The following WNT3A variants were observed in gnomAD, a reference collection of about 807,000 sequenced individuals.
The protein encoded by WNT3A is protein Wnt-3a.
A neutral mutation model predicts 37.0 loss-of-function variants in WNT3A; 17 were observed. The ratio of observed to expected loss-of-function variants is 0.46; its 90% confidence interval spans 0.31 to 0.69. WNT3A has a LOEUF of 0.69. Among genes scored for constraint, WNT3A ranks in the 30% least tolerant of loss-of-function variants. The pLI is 0.05. For missense variants in WNT3A, 411 were observed against 510.2 expected (o/e 0.81, Z 1.87); for synonymous variants, 187 against 211.0 (o/e 0.89, Z 0.99).
intron 2 of WNT3A, among the ~76,000 whole-genome samples, chr1:228,047,460 G>A (rs572093623): frequency 4.2e-4 from 64 of 152,166 alleles, no homozygotes; most frequent in Admixed American, 9.8e-4. Context: ...GGGCCGTGTG[G>A]GAGCGTCTGA....
rs767429545 is a variant in WNT3A, at chr1:228,050,859, C to T, written c.517C>T (p.Arg173Trp). The change falls in exon 3 of 4, where the codon CGG becomes TGG. Residue 173 changes from arginine to tryptophan, a missense_variant. Transcript: ENST00000284523. This position sits in a 1 kb window ranked among gnomAD's most constrained non-coding sequence, Gnocchi z 5.0. Reference protein sequence around the residue: ...GMVSREFADARENRPDARSAM... With the variant: ...GMVSREFADAWENRPDARSAM... Reference sequence around the variant, plus strand: ...GGTGTCTCGGGAGTTCGCCGACGCCCGGGAGAACCGGCCAGATGCCCGCTC... The same window carrying T: ...GGTGTCTCGGGAGTTCGCCGACGCCTGGGAGAACCGGCCAGATGCCCGCTC... The T allele has an allele frequency of 1.3e-4, 201 of 1,591,250 alleles. No homozygotes were observed. The East Asian group carries it at 3.8e-3, about 30-fold the overall frequency.
At chr1:228,015,042 C>T (rs2030485761) in intron 1 of WNT3A, among the ~76,000 whole-genome samples, 1 of 152,230 alleles carries the variant, frequency 6.6e-6, no homozygotes, top group South Asian at 2.1e-4. Flanking sequence ...CAAAACCTAA[C>T]AGCATTAGTG....
intron 2 of WNT3A, among the ~76,000 whole-genome samples, chr1:228,026,336 T>C (rs2030854830): frequency 6.6e-6 from 1 of 152,178 alleles, no homozygotes; most frequent in Non-Finnish European, 1.5e-5. Context: ...CTTCCAGTGC[T>C]ATGTTGAACA....
At chr1:228,018,366 C>A (rs562223860) in intron 1 of WNT3A, among the ~76,000 whole-genome samples, 3 of 151,638 alleles carry the variant, frequency 2.0e-5, no homozygotes, top group Admixed American at 1.3e-4. Context: ...ATCCTAGGAG[C>A]TTTTGGGGGC....
chr1:228,021,610 G>A (rs1305401632), intron 1 of WNT3A, among the ~76,000 whole-genome samples: 1 of 152,202 alleles, frequency 6.6e-6, no homozygotes, highest in Non-Finnish European at 1.5e-5. Flanking sequence ...TGGCGTCCAA[G>A]TTCCTGCTCT....
chr1:228,055,179 A>AATAT (rs1180107835), intron 3 of WNT3A, among the ~76,000 whole-genome samples: 820 of 18,864 alleles, frequency 0.043, 15 homozygotes, highest in Non-Finnish European at 0.049. Flanking sequence ...AAAAAAAAAA[A>AATAT]ATATATATAT....
At chr1:228,046,538 GTGTGTGTGTGTATT>G (rs1438922043) in intron 2 of WNT3A, among the ~76,000 whole-genome samples, 4 of 150,388 alleles carry the variant, frequency 2.7e-5, no homozygotes, top group African/African-American at 4.9e-5. Context: ...GTGTTGTGTG[GTGTGTGTGTGTATT>G]TGTGTGTGTG....
At chr1:228,023,598 G>A (rs1324556558) in intron 2 of WNT3A, among the ~76,000 whole-genome samples, 4 of 152,138 alleles carry the variant, frequency 2.6e-5, no homozygotes, top group African/African-American at 4.8e-5. Flanking sequence ...GAGAAACTGA[G>A]AGACAGAGAG....
rs1349575713 is a variant in WNT3A at position 228,008,329 on chromosome 1, G to A, written c.71+1130G>A. ...GGAATTATAATAATTACGCCGAGGGGAAGGGGGGAGACCCAGCGAGCCGAG... is the reference window on the plus strand; with the variant it reads ...GGAATTATAATAATTACGCCGAGGGAAAGGGGGGAGACCCAGCGAGCCGAG... On this transcript the variant is annotated intron_variant, in intron 1 of 3. Coordinates refer to ENST00000284523, the MANE Select transcript of WNT3A (RefSeq NM_033131.4). The surrounding 1 kb of genome is among the most constrained non-coding windows in gnomAD (Gnocchi z 4.9). Among the ~76,000 whole-genome samples, 1 of 152,220 alleles carries A rather than the reference G, an allele frequency of 6.6e-6. No homozygotes were observed. Among genetic ancestry groups the A allele is most frequent in the African/African-American group, 2.4e-5 (1 of 41,462 alleles).
intron 2 of WNT3A, among the ~76,000 whole-genome samples, chr1:228,048,288 A>G (rs1286715400): frequency 6.6e-6 from 1 of 152,186 alleles, no homozygotes; most frequent in African/African-American, 2.4e-5. Context: ...AGCCAAGGAA[A>G]GGTGGAGGCT....
chr1:228,056,055 G>A (rs1430222299), intron 3 of WNT3A, among the ~76,000 whole-genome samples: 1 of 152,204 alleles, frequency 6.6e-6, no homozygotes, highest in African/African-American at 2.4e-5. Flanking sequence ...ATTCTGCTCT[G>A]GGGACTCTGA....
At chr1:228,040,918 C>A (rs2031267415) in intron 2 of WNT3A, among the ~76,000 whole-genome samples, 1 of 148,228 alleles carries the variant, frequency 6.7e-6, no homozygotes. Context: ...GGAAACATAT[C>A]CTTCCTGTTT....
intron 2 of WNT3A, among the ~76,000 whole-genome samples, chr1:228,025,058 G>C (rs2030819110): frequency 6.6e-6 from 1 of 152,170 alleles, no homozygotes; most frequent in African/African-American, 2.4e-5. Context: ...GGTATGTTTT[G>C]AAACTGGGAA....
rs2030227033 is a variant in WNT3A at position 228,007,317 on chromosome 1, G to C, written c.71+118G>C. The C allele has an allele frequency of 2.0e-6, 2 of 1,019,794 alleles. No individual in the cohort carries two copies. Among genetic ancestry groups the C allele is most frequent in the African/African-American group, 1.7e-5 (1 of 57,770 alleles). 63.2% of individuals were successfully genotyped at this position (1,019,794 alleles called of 1,614,324 possible). Reference sequence around the variant, plus strand: ...CCGCGCCCTTCTGCTCCAGCCCCGCGTGCGGGCCGCGGGCGGTTGGTTTTC... The same window carrying C: ...CCGCGCCCTTCTGCTCCAGCCCCGCCTGCGGGCCGCGGGCGGTTGGTTTTC... On this transcript the variant is annotated intron_variant, in intron 1 of 3. Transcript: ENST00000284523. This position sits in a 1 kb window ranked among gnomAD's most constrained non-coding sequence, Gnocchi z 6.0.
intron 2 of WNT3A, among the ~76,000 whole-genome samples, chr1:228,028,957 G>T (rs73110763): frequency 5.3e-5 from 8 of 149,642 alleles, no homozygotes; most frequent in African/African-American, 1.7e-4. Flanking sequence ...GGCAAAACGA[G>T]TTTTTTTTTT....
intron 2 of WNT3A, among the ~76,000 whole-genome samples, chr1:228,030,477 A>G (rs1032279487): frequency 2.6e-5 from 4 of 152,192 alleles, no homozygotes; most frequent in African/African-American, 9.6e-5. Context: ...TCCACCATGC[A>G]TATGCTGACC....
Position 228,059,608 on chromosome 1 carries a change from G to A in WNT3A, c.*143G>A. The A allele has an allele frequency of 7.2e-7, 1 of 1,389,918 alleles. No individual in the cohort carries two copies. The highest frequency in any genetic ancestry group is 9.3e-7 in the Non-Finnish European group (1 of 1,079,886). The allele number at this position is 1,389,918 out of a possible 1,614,324, so 86.1% of individuals were successfully genotyped here. ...TCCCTGGGGGTGGGGCTCCTACCTG[G>A]GGGCAGAACTCCTACCTGAAGGCAG... is the stretch of plus-strand genomic sequence containing the variant. On this transcript the variant is annotated 3_prime_UTR_variant, in exon 4 of 4. Transcript: ENST00000284523.
At chr1:228,055,473 T>C (rs147287757) in intron 3 of WNT3A, among the ~76,000 whole-genome samples, 1,986 of 151,818 alleles carry the variant, frequency 0.013, 42 homozygotes, top group African/African-American at 0.045. Context: ...AAATAGTGCA[T>C]AGAGATTATA....
chr1:228,035,807 T>A (rs557603524), intron 2 of WNT3A, among the ~76,000 whole-genome samples: 2 of 152,110 alleles, frequency 1.3e-5, no homozygotes, highest in Non-Finnish European at 2.9e-5. Context: ...TAGCCTCCCC[T>A]CCCATCCCAC....
Sources: gnomAD v4.1 joint callset for allele counts (sites outside exome capture counted in the v4.1 genomes callset) on GRCh38, gnomAD v4.1.1 for gene constraint, Gnocchi (gnomAD v3.1) non-coding constraint, MANE v1.5 for transcripts, NCBI Gene and HGNC (gene_info 2026-07-23, HGNC 2026-07-21) for gene names.